Variants in PRELID2 observed in about 807,000 individuals in gnomAD.
PRELID2 encodes the protein PRELI domain containing 2.
PRELID2 carries 25 observed loss-of-function variants against 28.4 expected under a neutral mutation model. That is an observed-to-expected ratio of 0.88 (90% CI 0.64 to 1.23). PRELID2 has a LOEUF of 1.23. PRELID2 is among the 50% of genes most tolerant of loss of function. The pLI, the probability that PRELID2 is intolerant of heterozygous loss-of-function variation, is 0.00. For synonymous variants in PRELID2, 76 were observed against 71.6 expected (o/e 1.06, Z -0.31); for missense variants, 201 against 214.4 (o/e 0.94, Z 0.39).
intron 1 of PRELID2, among the ~76,000 whole-genome samples, chr5:145,743,780 C>G (rs1756909866): frequency 6.6e-6 from 1 of 152,216 alleles, no homozygotes. Context: ...AGCCTCTCAG[C>G]TGGAATCTAC....
intron 1 of PRELID2, among the ~76,000 whole-genome samples, chr5:145,740,580 ATT>A (rs141917555): frequency 0.79 from 90,141 of 114,220 alleles, 36,732 homozygotes; most frequent in East Asian, 0.9. Flanking sequence ...AAATATATAT[ATT>A]ATATATATAA....
At chr5:145,402,216 G>A in the PRELID2 span, among the ~76,000 whole-genome samples, 1 of 152,092 alleles carries the variant, frequency 6.6e-6, no homozygotes, top group Non-Finnish European at 1.5e-5. Flanking sequence ...TCCCAAAGAT[G>A]CAGAGACTTT....
At chr5:145,824,226 T>C (rs937476570) in intron 1 of PRELID2, among the ~76,000 whole-genome samples, 1 of 152,130 alleles carries the variant, frequency 6.6e-6, no homozygotes, top group Non-Finnish European at 1.5e-5. Flanking sequence ...CGACGTATCA[T>C]GTGATCAAAT....
chr5:145,550,712 A>C (rs995978231), intron 1 of PRELID2, among the ~76,000 whole-genome samples: 2 of 152,206 alleles, frequency 1.3e-5, no homozygotes, highest in Non-Finnish European at 2.9e-5. Flanking sequence ...AAGGGGAATA[A>C]ATTGAATTCA....
At chr5:145,571,209 T>C (rs142572185) in intron 1 of PRELID2, among the ~76,000 whole-genome samples, 1 of 152,360 alleles carries the variant, frequency 6.6e-6, no homozygotes, top group African/African-American at 2.4e-5. Flanking sequence ...TTATCTACTC[T>C]CTTTGTGCCT....
At chr5:145,423,922 T>A in the PRELID2 span, among the ~76,000 whole-genome samples, 1 of 149,862 alleles carries the variant, frequency 6.7e-6, no homozygotes, top group South Asian at 2.1e-4. Flanking sequence ...TTGGTGTGGA[T>A]GTCCTTTCTG....
At chr5:145,275,365 G>T in the PRELID2 span, among the ~76,000 whole-genome samples, 1 of 152,056 alleles carries the variant, frequency 6.6e-6, no homozygotes, top group South Asian at 2.1e-4. Flanking sequence ...ATACTGCAAA[G>T]AGGAGCCTGA....
chr5:145,639,016 T>G (rs765518516), intron 1 of PRELID2, among the ~76,000 whole-genome samples: 14 of 152,238 alleles, frequency 9.2e-5, no homozygotes, highest in Non-Finnish European at 1.6e-4. Context: ...TTAGGTATTT[T>G]GGACCTAAGA....
chr5:145,577,102 T>C (rs562989490), intron 1 of PRELID2, among the ~76,000 whole-genome samples: 2 of 152,234 alleles, frequency 1.3e-5, no homozygotes, highest in South Asian at 4.1e-4. Context: ...AGGTTTCCTG[T>C]TACAGAGCAT....
At chr5:145,472,362 A>G (rs1025186821) in intron 2 of PRELID2, among the ~76,000 whole-genome samples, 7 of 152,244 alleles carry the variant, frequency 4.6e-5, no homozygotes, top group African/African-American at 1.7e-4. Context: ...AATGATAAGC[A>G]CTATTATCTT....
chr5:145,753,785 A>T (rs545320882), downstream of PRELID2, among the ~76,000 whole-genome samples: 1 of 152,328 alleles, frequency 6.6e-6, no homozygotes, highest in African/African-American at 2.4e-5. Flanking sequence ...GGTTTTACCA[A>T]TTGGCAGCTA....
At chr5:145,523,610 A>G (rs899200397) in intron 1 of PRELID2, among the ~76,000 whole-genome samples, 4 of 150,946 alleles carry the variant, frequency 2.6e-5, no homozygotes, top group African/African-American at 9.7e-5. Context: ...CTTTCTGTGC[A>G]GGGGTTGGGT....
At chr5:145,764,849 G>T (rs1757648571) in intron 6 of PRELID2, 82 bp downstream of exon 6, 1 of 955,416 alleles carries the variant, frequency 1.0e-6, no homozygotes, top group Non-Finnish European at 1.7e-6. Context: ...AATAGCCCAG[G>T]GAGGCTGCTG....
At chr5:145,580,399 A>G (rs1055117010) in intron 1 of PRELID2, among the ~76,000 whole-genome samples, 1 of 152,084 alleles carries the variant, frequency 6.6e-6, no homozygotes, top group African/African-American at 2.4e-5. Context: ...ATTCTGAGAT[A>G]TTCAGTCACT....
chr5:145,817,220 A>AATATATATATATATATAT (rs1188735131), intron 4 of PRELID2, among the ~76,000 whole-genome samples: 4 of 66,506 alleles, frequency 6.0e-5, no homozygotes, highest in African/African-American at 8.1e-5. Context: ...AATAAAAAAA[A>AATATATATATATATATAT]ATATATATAT....
At chr5:145,828,856 T>TC (rs1291732195) in intron 1 of PRELID2, among the ~76,000 whole-genome samples, 8 of 98,602 alleles carry the variant, frequency 8.1e-5, no homozygotes, top group African/African-American at 2.7e-4. Flanking sequence ...TTTTTTTTTT[T>TC]GAGACTGGGT....
At chr5:145,580,469 G>A (rs1024408464) in intron 1 of PRELID2, among the ~76,000 whole-genome samples, 13 of 151,974 alleles carry the variant, frequency 8.6e-5, no homozygotes, top group African/African-American at 3.1e-4. Flanking sequence ...TCCCTAACAT[G>A]TGGCTCAGAG....
chr5:145,423,555 C>T, the PRELID2 span, among the ~76,000 whole-genome samples: 17 of 147,970 alleles, frequency 1.1e-4, no homozygotes, highest in South Asian at 2.8e-3. Context: ...GCATTCTTCA[C>T]GTAGTTCTCG....
chr5:145,386,557 C>A, the PRELID2 span, among the ~76,000 whole-genome samples: 1 of 152,102 alleles, frequency 6.6e-6, no homozygotes, highest in Non-Finnish European at 1.5e-5. Flanking sequence ...GCCTCCCCAG[C>A]CATGCAGAAC....
Sources: allele counts gnomAD v4.1 joint callset (sites outside exome capture counted in the v4.1 genomes callset), GRCh38; gene constraint gnomAD v4.1.1; transcripts MANE v1.5; gene names NCBI Gene and HGNC (gene_info 2026-07-23, HGNC 2026-07-21).